Variants in ITGBL1 observed in about 807,000 individuals in gnomAD.
ITGBL1 encodes the protein integrin beta-like protein 1.
In ITGBL1, 51 loss-of-function variants were observed where a neutral mutation model predicts 68.5. The ratio of observed to expected loss-of-function variants is 0.74; its 90% CI spans 0.59 to 0.94. The LOEUF (loss-of-function observed/expected upper bound fraction) is 0.94. Ranked by LOEUF, ITGBL1 falls within the 40% of genes least tolerant of loss-of-function variation. ITGBL1 has a pLI of 0.00. For missense variants in ITGBL1, 649 were observed against 647.4 expected, an observed-to-expected ratio of 1.00 and a Z score of -0.03; for synonymous variants, 209 against 227.3, an observed-to-expected ratio of 0.92 and a Z score of 0.72.
At chr13:101,660,269 C>T (rs1360899197) in intron 7 of ITGBL1, among the ~76,000 whole-genome samples, 3 of 151,994 alleles carry the variant, frequency 2.0e-5, no homozygotes, top group Admixed American at 1.3e-4. Context: ...TGGATAGGGG[C>T]CCAGGGAGTG....
intron 2 of ITGBL1, among the ~76,000 whole-genome samples, chr13:101,554,573 G>A (rs1029892956): frequency 1.3e-5 from 2 of 152,196 alleles, no homozygotes; most frequent in African/African-American, 4.8e-5. Context: ...GCCATGCTGC[G>A]TCTGTGGAAC....
chr13:101,717,311 G>A (rs2034762833), downstream of ITGBL1: 1 of 152,126 alleles, frequency 6.6e-6, no homozygotes, highest in South Asian at 2.1e-4. Flanking sequence ...TATAAAAATT[G>A]TTATCTCTAT....
chr13:101,652,746 G>T (rs146963730), intron 7 of ITGBL1, among the ~76,000 whole-genome samples: 95 of 152,182 alleles, frequency 6.2e-4, no homozygotes, highest in African/African-American at 2.2e-3. Context: ...CACCCAAAAT[G>T]CACGAGAAGG....
chr13:101,532,024 G>A (rs1026630296), intron 2 of ITGBL1, among the ~76,000 whole-genome samples: 23 of 151,900 alleles, frequency 1.5e-4, no homozygotes, highest in Non-Finnish European at 2.5e-4. Context: ...GTGAGCCACC[G>A]CGCCCGGCCA....
intron 2 of ITGBL1, among the ~76,000 whole-genome samples, chr13:101,562,679 ATGAC>A (rs2050119293): frequency 6.6e-6 from 1 of 151,940 alleles, no homozygotes. Flanking sequence ...AATTTAAAGA[ATGAC>A]AGACTGAAAG....
chr13:101,575,417 G>C lies in ITGBL1; in HGVS notation c.464-7G>C. The C allele has an allele frequency of 6.2e-7, 1 of 1,606,764 alleles. No homozygotes were observed. Among genetic ancestry groups the C allele is most frequent in the South Asian group, 1.1e-5 (1 of 89,240 alleles). On this transcript the variant is annotated splice_polypyrimidine_tract_variant and splice_region_variant and intron_variant, in intron 3 of 10. Coordinates refer to ENST00000376180, the MANE Select transcript of ITGBL1 (RefSeq NM_004791.3). ...AACAAACAGTCTTTTTTGTTTTCAT[G>C]GTTTAGGTACATGTCACTGTGGCAG...
intron 7 of ITGBL1, among the ~76,000 whole-genome samples, chr13:101,658,725 T>C (rs2032999668): frequency 6.6e-6 from 1 of 152,112 alleles, no homozygotes. Flanking sequence ...AAGCATTGAA[T>C]GAAAGATGCA....
rs35394580 is a variant in ITGBL1 at position 101,667,900 on chromosome 13, TA to T, written c.1016-24672del. Among the ~76,000 whole-genome samples, 170 of 145,852 alleles carry T rather than the reference TA, an allele frequency of 1.2e-3. 1 individual carries two copies. The highest frequency in any genetic ancestry group is 7.8e-4 in the Non-Finnish European group (52 of 66,254). ...GATATGCAAATGACACTTAAAAGTG[TA>T]AAAAAAAAAAAACCCCAAATGCCTT... On this transcript the variant is annotated intron_variant, in intron 7 of 10. Transcript: ENST00000376180.
At chr13:101,472,459 T>C (rs1351605020) in intron 2 of ITGBL1, among the ~76,000 whole-genome samples, 5 of 152,218 alleles carry the variant, frequency 3.3e-5, no homozygotes, top group Admixed American at 6.5e-5. Flanking sequence ...TGTAGGATAA[T>C]ATGCTTAGAT....
chr13:101,531,700 GTTATTTATTTATTTATTTATTTATTTAT>G (rs10551253), intron 2 of ITGBL1, among the ~76,000 whole-genome samples: 2 of 139,998 alleles, frequency 1.4e-5, no homozygotes, highest in African/African-American at 5.3e-5. Flanking sequence ...TTTTTATTTT[GTTATTTATTTATTTATTTATTTATTTAT>G]TTATTTATTT....
At chr13:101,551,928 G>T (rs573642808) in intron 2 of ITGBL1, among the ~76,000 whole-genome samples, 2 of 152,270 alleles carry the variant, frequency 1.3e-5, no homozygotes, top group African/African-American at 4.8e-5. Context: ...TAGCCCATGG[G>T]TCAAGAGCAG....
intron 7 of ITGBL1, among the ~76,000 whole-genome samples, chr13:101,637,404 T>C (rs1423277884): frequency 6.8e-6 from 1 of 147,212 alleles, no homozygotes; most frequent in East Asian, 2.0e-4. Context: ...AGTGCAGTGG[T>C]GCGATCTGGG....
intron 7 of ITGBL1, among the ~76,000 whole-genome samples, chr13:101,639,114 A>C (rs2032277801): frequency 6.6e-6 from 1 of 152,212 alleles, no homozygotes; most frequent in Non-Finnish European, 1.5e-5. Context: ...CTAGGAGCCC[A>C]CATCTACACA....
chr13:101,555,415 C>T (rs1286008283), intron 2 of ITGBL1, among the ~76,000 whole-genome samples: 4 of 151,964 alleles, frequency 2.6e-5, no homozygotes, highest in South Asian at 2.1e-4. Flanking sequence ...ACTCCCTCAA[C>T]GAGGGCCCTA....
intron 7 of ITGBL1, among the ~76,000 whole-genome samples, chr13:101,666,867 G>T (rs548210959): frequency 6.6e-6 from 1 of 152,054 alleles, no homozygotes; most frequent in Admixed American, 6.5e-5. Flanking sequence ...GAACCCAGTC[G>T]GTTCCAAGAA....
At chr13:101,708,501 T>G (rs2034313177) in intron 9 of ITGBL1, among the ~76,000 whole-genome samples, 2 of 152,146 alleles carry the variant, frequency 1.3e-5, no homozygotes, top group Admixed American at 1.3e-4. Flanking sequence ...AGACACTGAA[T>G]CCTGTTGCCA....
intron 2 of ITGBL1, among the ~76,000 whole-genome samples, chr13:101,539,943 T>C (rs2049660216): frequency 6.6e-6 from 1 of 152,224 alleles, no homozygotes; most frequent in African/African-American, 2.4e-5. Flanking sequence ...TTGTAGTTTC[T>C]GGATATTAGC....
intron 7 of ITGBL1, among the ~76,000 whole-genome samples, chr13:101,610,251 G>C (rs1465584905): frequency 6.6e-6 from 1 of 152,038 alleles, no homozygotes; most frequent in Non-Finnish European, 1.5e-5. Context: ...GAAACAATTT[G>C]CTCTGGTTAT....
At chr13:101,678,102 A>C (rs1203488943) in intron 7 of ITGBL1, among the ~76,000 whole-genome samples, 1 of 152,222 alleles carries the variant, frequency 6.6e-6, no homozygotes, top group East Asian at 1.9e-4. Flanking sequence ...AGACTTAAGA[A>C]TAGTACAAAG....
Sources: gnomAD v4.1 joint callset for allele counts (sites outside exome capture counted in the v4.1 genomes callset) on GRCh38, gnomAD v4.1.1 for gene constraint, MANE v1.5 for transcripts, NCBI Gene and HGNC (gene_info 2026-07-23, HGNC 2026-07-21) for gene names.